The following ATP8A2 variants were observed in gnomAD, a reference collection of about 807,000 sequenced individuals.
ATP8A2 encodes phospholipid-transporting ATPase IB.
In ATP8A2, 100 loss-of-function variants were observed where a neutral mutation model predicts 165.6. That is an observed-to-expected ratio of 0.60 (90% CI 0.51 to 0.71). The LOEUF is 0.71. Ranked by LOEUF, ATP8A2 falls within the 30% of genes least tolerant of loss-of-function variation. The probability of loss-of-function intolerance (pLI) is 0.00; values close to 1 mark genes in which losing one functional copy is unlikely to be tolerated. For missense variants in ATP8A2, 1,227 were observed against 1,479.5 expected (o/e 0.83, Z 2.80); for synonymous variants, 543 against 548.8 (o/e 0.99, Z 0.15).
At chr13:25,384,041 A>G (rs1169074923) in intron 1 of ATP8A2, among the ~76,000 whole-genome samples, 2 of 152,038 alleles carry the variant, frequency 1.3e-5, no homozygotes, top group Admixed American at 1.3e-4. Flanking sequence ...TATTTTTTTC[A>G]TGTCCCTAAA....
intron 24 of ATP8A2, among the ~76,000 whole-genome samples, chr13:25,657,447 C>T (rs554482868): frequency 1.3e-5 from 2 of 152,240 alleles, no homozygotes; most frequent in East Asian, 3.9e-4. Context: ...TTTCATGGGC[C>T]AGATGGGGAC....
At chr13:25,393,312 TG>T (rs1413924590) in intron 1 of ATP8A2, among the ~76,000 whole-genome samples, 1 of 152,148 alleles carries the variant, frequency 6.6e-6, no homozygotes, top group African/African-American at 2.4e-5. Flanking sequence ...TTTTATTTTT[TG>T]TAGTGATGGG....
chr13:25,676,204 A>G (rs2042368671), intron 24 of ATP8A2, among the ~76,000 whole-genome samples: 2 of 152,216 alleles, frequency 1.3e-5, no homozygotes, highest in African/African-American at 4.8e-5. Flanking sequence ...ATTAGAGAAT[A>G]TGTTTCTGAC....
intron 24 of ATP8A2, among the ~76,000 whole-genome samples, chr13:25,647,838 AC>A (rs2041713854): frequency 6.6e-6 from 1 of 151,942 alleles, no homozygotes. Context: ...GGTGCCTGCC[AC>A]CATGCCCGGC....
At chr13:25,568,942 T>TA (rs904919760) in intron 16 of ATP8A2, among the ~76,000 whole-genome samples, 210 of 152,180 alleles carry the variant, frequency 1.4e-3, no homozygotes, top group African/African-American at 4.9e-3. Context: ...TTTTAGGATT[T>TA]AAAAAAAATC....
chr13:25,940,641 A>G (rs1349746004), intron 33 of ATP8A2, among the ~76,000 whole-genome samples: 4 of 152,134 alleles, frequency 2.6e-5, no homozygotes, highest in African/African-American at 9.7e-5. Context: ...ACCTCCTAGC[A>G]TAGCTGTCAC....
At chr13:25,813,402 G>GAT (rs966646864) in intron 27 of ATP8A2, among the ~76,000 whole-genome samples, 4 of 148,808 alleles carry the variant, frequency 2.7e-5, no homozygotes, top group Non-Finnish European at 4.5e-5. Context: ...GATATGATAT[G>GAT]ATATGATATG....
At chr13:25,669,150 A>G (rs2042215016) in intron 24 of ATP8A2, among the ~76,000 whole-genome samples, 1 of 151,606 alleles carries the variant, frequency 6.6e-6, no homozygotes, top group African/African-American at 2.4e-5. Context: ...GAATATTGTT[A>G]TATGGTATCC....
intron 24 of ATP8A2, among the ~76,000 whole-genome samples, chr13:25,613,076 C>T (rs1456366516): frequency 6.6e-6 from 1 of 152,094 alleles, no homozygotes; most frequent in East Asian, 1.9e-4. Context: ...CTTATCCATT[C>T]TGCCATTCTG....
intron 2 of ATP8A2, 100 bp from the exon 3 acceptor site, chr13:25,529,899 T>G (rs778211364): frequency 1.5e-6 from 1 of 648,654 alleles, no homozygotes; most frequent in Non-Finnish European, 2.6e-6. Flanking sequence ...AAACATTTTT[T>G]TTTAAACCAT....
rs184173017 is a variant in ATP8A2 at position 25,801,531 on chromosome 13, G to A, written c.2679+26572G>A. On this transcript the variant is annotated intron_variant, in intron 27 of 36. Coordinates refer to ENST00000381655, the MANE Select transcript of ATP8A2 (RefSeq NM_016529.6). Reference sequence around the variant, plus strand: ...TCCTGAAGATGGTACTTCTCCAGAAGTTTCCAAATGATCAGAGAGGAACTG... The same window carrying A: ...TCCTGAAGATGGTACTTCTCCAGAAATTTCCAAATGATCAGAGAGGAACTG... Among the ~76,000 whole-genome samples, 702 of 152,264 alleles carry A rather than the reference G, an allele frequency of 4.6e-3. 3 individuals carry two copies. Among genetic ancestry groups the A allele is most frequent in the Non-Finnish European group, 7.5e-3 (508 of 68,024 alleles).
intron 2 of ATP8A2, among the ~76,000 whole-genome samples, chr13:25,509,224 C>T (rs1230110559): frequency 6.6e-6 from 1 of 152,128 alleles, no homozygotes; most frequent in African/African-American, 2.4e-5. Flanking sequence ...GAGCCAGAAG[C>T]TAGATTTTAA....
chr13:25,935,796 T>C (rs2139086256), intron 33 of ATP8A2, among the ~76,000 whole-genome samples: 1 of 151,810 alleles, frequency 6.6e-6, no homozygotes, highest in African/African-American at 2.4e-5. Context: ...CATCTCAACA[T>C]GAGATATGGT....
At chr13:25,601,594 A>G (rs1432578581) in intron 24 of ATP8A2, among the ~76,000 whole-genome samples, 4 of 152,152 alleles carry the variant, frequency 2.6e-5, no homozygotes, top group Non-Finnish European at 5.9e-5. Context: ...CCTCTCAAGT[A>G]GGTGGGACTA....
intron 24 of ATP8A2, among the ~76,000 whole-genome samples, chr13:25,657,268 G>A (rs1402293895): frequency 6.6e-6 from 1 of 152,012 alleles, no homozygotes; most frequent in African/African-American, 2.4e-5. Context: ...CTTTTGCCTT[G>A]TCTGGAGGTG....
chr13:25,589,524 C>A, intron 23 of ATP8A2, 111 bp from the exon 24 acceptor site: 1 of 732,270 alleles, frequency 1.4e-6, no homozygotes, highest in Non-Finnish European at 2.4e-6. Context: ...TTACCCTATT[C>A]CTCTGTGTGA....
chr13:25,810,771 G>A (rs950557019), intron 27 of ATP8A2, among the ~76,000 whole-genome samples: 2 of 152,058 alleles, frequency 1.3e-5, no homozygotes, highest in Non-Finnish European at 2.9e-5. Context: ...GAGAGGGAGC[G>A]AGCAGAGGGA....
rs368052507 is a variant in ATP8A2 at position 25,841,440 on chromosome 13, A to G, written c.2956+1816A>G. On this transcript the variant is annotated intron_variant, in intron 30 of 36. Coordinates refer to ENST00000381655, the MANE Select transcript of ATP8A2 (RefSeq NM_016529.6). ...GGGGTTTTCTTTGAGTTGTGTTGCAAACAATAATCTATTGAGTGAAACTGT... is the reference window on the plus strand; with the variant it reads ...GGGGTTTTCTTTGAGTTGTGTTGCAGACAATAATCTATTGAGTGAAACTGT... Among the ~76,000 whole-genome samples, 21 of 152,338 alleles carry G rather than the reference A, an allele frequency of 1.4e-4. 1 individual carries two copies. The South Asian group carries it at 3.5e-3, about 26-fold the overall frequency.
At chr13:25,743,459 A>T (rs2043960565) in intron 25 of ATP8A2, among the ~76,000 whole-genome samples, 1 of 150,396 alleles carries the variant, frequency 6.6e-6, no homozygotes, top group Non-Finnish European at 1.5e-5. Context: ...TAGCATGGAG[A>T]ATTCCAGCAG....
Sources: gnomAD v4.1 joint callset for allele counts (sites outside exome capture counted in the v4.1 genomes callset) on GRCh38, gnomAD v4.1.1 for gene constraint, MANE v1.5 for transcripts, NCBI Gene and HGNC (gene_info 2026-07-23, HGNC 2026-07-21) for gene names.